ZNF664: variants seen among roughly 807,000 people sequenced by gnomAD.
The protein encoded by ZNF664 is zinc finger protein 664, also known as zinc finger Organ of Corti 1.
In ZNF664, 10 loss-of-function variants were observed where a neutral mutation model predicts 18.2. That is an observed-to-expected ratio of 0.55 (90% CI 0.34 to 0.93). The LOEUF (loss-of-function observed/expected upper bound fraction) is 0.93, where lower values mean the gene tolerates loss of function less well. Ranked by LOEUF, ZNF664 falls within the 40% of genes least tolerant of loss-of-function variation. ZNF664 has a pLI of 0.02. For synonymous variants in ZNF664, 119 were observed against 104.2 expected, an observed-to-expected ratio of 1.14 and a Z score of -0.86; for missense variants, 193 against 319.0, an observed-to-expected ratio of 0.61 and a Z score of 3.01.
chr12:123,987,980 A>T (rs975454684), intron 2 of ZNF664, 63 bp from the exon 3 acceptor site: 2 of 1,230,466 alleles, frequency 1.6e-6, no homozygotes, highest in Admixed American at 4.2e-5. Flanking sequence ...TCATGAAAAC[A>T]TTTTGTGATC....
Position 124,013,671 on chromosome 12 carries a change from G to GA in ZNF664, c.*743dup, listed in dbSNP as rs1236435001. On this transcript the variant is annotated 3_prime_UTR_variant, in exon 5 of 5. Transcript: ENST00000337815. ...TGGCTGCATCACATATTTTTCACTT[G>GA]AATTTTTTTGGAAATAGCTGAATGT... The GA allele has an allele frequency of 6.0e-6, 1 of 167,042 alleles. No individual in the cohort carries two copies. The highest frequency in any genetic ancestry group is 1.5e-5 in the Non-Finnish European group (1 of 68,120). 10.3% of individuals were successfully genotyped at this position (167,042 alleles called of 1,614,324 possible).
intron 2 of ZNF664, among the ~76,000 whole-genome samples, chr12:123,984,180 G>A (rs1159571520): frequency 6.6e-6 from 1 of 152,204 alleles, no homozygotes; most frequent in Non-Finnish European, 1.5e-5. Flanking sequence ...TGGAACTCAT[G>A]GGAATGAACT....
At chr12:123,986,363 G>T (rs1026872376) in intron 2 of ZNF664, among the ~76,000 whole-genome samples, 3 of 152,148 alleles carry the variant, frequency 2.0e-5, no homozygotes, top group African/African-American at 4.8e-5. Context: ...GGACAGTGAG[G>T]TCTCTCACGG....
intron 3 of ZNF664, among the ~76,000 whole-genome samples, chr12:123,994,358 C>T (rs1956923061): frequency 6.6e-6 from 1 of 152,056 alleles, no homozygotes; most frequent in African/African-American, 2.4e-5. Context: ...GAAATGAAGA[C>T]TAAAGTTTTA....
intron 2 of ZNF664, among the ~76,000 whole-genome samples, chr12:123,987,722 T>C (rs1956841828): frequency 6.6e-6 from 1 of 152,178 alleles, no homozygotes; most frequent in Non-Finnish European, 1.5e-5. Context: ...TCAGTTATCT[T>C]ATACCTATGA....
chr12:124,013,209 G>A lies in ZNF664; in HGVS notation c.*279G>A. 1 of 455,310 alleles carries A rather than the reference G, an allele frequency of 2.2e-6. No homozygotes were observed. The highest frequency in any genetic ancestry group is 4.0e-6 in the Non-Finnish European group (1 of 249,576). 28.2% of individuals were successfully genotyped at this position (455,310 alleles called of 1,614,324 possible). A position where few individuals can be genotyped will look rare whatever the true frequency, so the allele number is the denominator to read the frequency against. On this transcript the variant is annotated 3_prime_UTR_variant, in exon 5 of 5. Transcript: ENST00000337815. ...CAGCACGATGCCTCCATAGTTGAAA[G>A]ACTACACAAAAAGCCACAATCATTG...
At chr12:123,973,718 G>T (rs1220356029) in intron 1 of ZNF664, 168 bp from the exon 2 acceptor site, 29 of 1,154,074 alleles carry the variant, frequency 2.5e-5, no homozygotes, top group Non-Finnish European at 2.6e-5. Flanking sequence ...CTCCATTGTT[G>T]TTGGAGCCGA....
At chr12:123,988,579 T>G (rs2138365426) in intron 3 of ZNF664, among the ~76,000 whole-genome samples, 1 of 152,166 alleles carries the variant, frequency 6.6e-6, no homozygotes, top group South Asian at 2.1e-4. Context: ...TGTAAATTTC[T>G]GGTGTTTTTT....
At chr12:124,003,833 A>G (rs1957040690) in intron 3 of ZNF664, among the ~76,000 whole-genome samples, 1 of 152,210 alleles carries the variant, frequency 6.6e-6, no homozygotes, top group Non-Finnish European at 1.5e-5. Context: ...AAATGTGTGT[A>G]CTGAAGACTT....
chr12:124,007,407 C>T (rs941528009), intron 3 of ZNF664, among the ~76,000 whole-genome samples: 1 of 152,198 alleles, frequency 6.6e-6, no homozygotes, highest in Admixed American at 6.5e-5. Flanking sequence ...GGAAGACACC[C>T]CTGCTGGGGT....
intron 3 of ZNF664, among the ~76,000 whole-genome samples, chr12:124,002,743 A>C (rs1037763292): frequency 1.3e-5 from 2 of 152,004 alleles, no homozygotes; most frequent in Non-Finnish European, 2.9e-5. Flanking sequence ...GTTTGAGGGG[A>C]GATTTGGTTT....
chr12:124,001,983 A>T lies in ZNF664; in HGVS notation c.-660-9398A>T, dbSNP rs530892809. 3.3e-5 allele frequency among the ~76,000 whole-genome samples: 5 copies of T among 152,372 alleles called. No individual in the cohort carries two copies. The South Asian group carries it at 1.0e-3, about 32-fold the overall frequency. On this transcript the variant is annotated intron_variant, in intron 3 of 4. Transcript: ENST00000337815. Reference sequence around the variant, plus strand: ...GCAGGGAGAGGAGCACAACAAAGGAAGCATGTGCAAAAATGAGCACAATAA... The same window carrying T: ...GCAGGGAGAGGAGCACAACAAAGGATGCATGTGCAAAAATGAGCACAATAA...
chr12:124,011,184 G>A, intron 3 of ZNF664, 197 bp from the exon 4 acceptor site: 1 of 524,892 alleles, frequency 1.9e-6, no homozygotes. Flanking sequence ...GTTCAAAGTG[G>A]AGATCGTTTT....
At chr12:123,979,779 A>G (rs866777361) in intron 2 of ZNF664, among the ~76,000 whole-genome samples, 9 of 152,098 alleles carry the variant, frequency 5.9e-5, no homozygotes, top group African/African-American at 2.2e-4. Flanking sequence ...TCCTGGGCTC[A>G]AGTGATCTGC....
chr12:123,986,389 T>C (rs1289009982), intron 2 of ZNF664, among the ~76,000 whole-genome samples: 1 of 152,212 alleles, frequency 6.6e-6, no homozygotes, highest in Non-Finnish European at 1.5e-5. Flanking sequence ...CTCATTTCTT[T>C]GTGTCTTTCT....
chr12:123,981,144 G>A (rs906369389), intron 2 of ZNF664, among the ~76,000 whole-genome samples: 1 of 152,180 alleles, frequency 6.6e-6, no homozygotes, highest in Non-Finnish European at 1.5e-5. Flanking sequence ...TTGAGACAAT[G>A]CAGGTACACA....
chr12:123,974,267 C>T (rs758348282), intron 2 of ZNF664: 1 of 379,270 alleles, frequency 2.6e-6, no homozygotes, highest in Non-Finnish European at 4.7e-6. Flanking sequence ...TCCCCGGGAG[C>T]CTGCTCCGAA....
At chr12:124,011,177 C>A in intron 3 of ZNF664, 1 of 480,520 alleles carries the variant, frequency 2.1e-6, no homozygotes, top group African/African-American at 2.1e-5. Context: ...TTCTGAAGTT[C>A]AAAGTGGAGA....
At chr12:123,989,499 G>A (rs144824908) in intron 3 of ZNF664, 13 of 152,272 alleles carry the variant, frequency 8.5e-5, no homozygotes, top group African/African-American at 2.6e-4. Context: ...TCCCGTATGC[G>A]CTTTGGTCCC....
Sources: gnomAD v4.1 joint callset for allele counts (sites outside exome capture counted in the v4.1 genomes callset) on GRCh38, gnomAD v4.1.1 for gene constraint, MANE v1.5 for transcripts, NCBI Gene and HGNC (gene_info 2026-07-23, HGNC 2026-07-21) for gene names.